The following SLIT3 variants were observed in gnomAD, a reference collection of about 807,000 sequenced individuals.
SLIT3 encodes slit homolog 3 protein.
A neutral mutation model predicts 184.0 loss-of-function variants in SLIT3; 68 were observed. The ratio of observed to expected loss-of-function variants is 0.37; its 90% CI spans 0.30 to 0.45. The LOEUF (loss-of-function observed/expected upper bound fraction) is 0.45. Ranked by LOEUF, SLIT3 falls within the 20% of genes least tolerant of loss-of-function variation. The pLI is 1.00. For synonymous variants in SLIT3, 831 were observed against 828.6 expected, an observed-to-expected ratio of 1.00 and a Z score of -0.05; for missense variants, 1,707 against 2,026.0, an observed-to-expected ratio of 0.84 and a Z score of 3.02.
chr5:168,816,272 C>T (rs1437887670), intron 8 of SLIT3, among the ~76,000 whole-genome samples: 1 of 152,094 alleles, frequency 6.6e-6, no homozygotes, highest in Non-Finnish European at 1.5e-5. Flanking sequence ...CTACAGTCTC[C>T]ACCTCCCAGG....
chr5:168,682,915 G>T (rs1298468236), intron 32 of SLIT3, among the ~76,000 whole-genome samples: 2 of 151,804 alleles, frequency 1.3e-5, no homozygotes, highest in Admixed American at 1.3e-4. Flanking sequence ...ACTTTTAGTA[G>T]TCATTTTTAT....
At chr5:169,020,543 T>C (rs1756560248) in intron 4 of SLIT3, among the ~76,000 whole-genome samples, 1 of 152,216 alleles carries the variant, frequency 6.6e-6, no homozygotes, top group Non-Finnish European at 1.5e-5. Context: ...ATTTTGGTCT[T>C]TATCTGAGAG....
At chr5:168,947,438 C>T (rs904647927) in intron 4 of SLIT3, among the ~76,000 whole-genome samples, 2 of 152,156 alleles carry the variant, frequency 1.3e-5, no homozygotes, top group Non-Finnish European at 2.9e-5. Flanking sequence ...GCTCACTGCT[C>T]TCTTTGGCCA....
At chr5:168,962,180 G>A (rs1009459051) in intron 4 of SLIT3, among the ~76,000 whole-genome samples, 2 of 151,960 alleles carry the variant, frequency 1.3e-5, no homozygotes, top group African/African-American at 2.4e-5. Context: ...ACAGGCTCAG[G>A]GCATCTCCCA....
chr5:169,238,614 C>G (rs1765284091), intron 3 of SLIT3, among the ~76,000 whole-genome samples: 2 of 126,034 alleles, frequency 1.6e-5, no homozygotes, highest in African/African-American at 6.0e-5. Flanking sequence ...CAATGAAAAA[C>G]ATGGCCTTGT....
Position 168,961,277 on chromosome 5 carries a change from C to T in SLIT3, c.414-77941G>A, listed in dbSNP as rs569413755. ...CAGGAAGAAATAGCCAGCACATCCA[C>T]TCATTCATTCAAAAGACATGTATTT... On this transcript the variant is annotated intron_variant, in intron 4 of 35. Coordinates refer to ENST00000519560, the MANE Select transcript of SLIT3 (RefSeq NM_003062.4). 1.4e-4 allele frequency among the ~76,000 whole-genome samples: 21 copies of T among 152,330 alleles called. No homozygotes were observed. The South Asian group carries it at 4.4e-3, about 32-fold the overall frequency.
At chr5:169,132,490 G>A (rs2113318945) in intron 4 of SLIT3, among the ~76,000 whole-genome samples, 1 of 152,186 alleles carries the variant, frequency 6.6e-6, no homozygotes, top group Non-Finnish European at 1.5e-5. Context: ...ATCATCTTGT[G>A]AACCAACAGA....
intron 1 of SLIT3, among the ~76,000 whole-genome samples, chr5:169,295,219 A>G (rs1017672495): frequency 2.6e-5 from 4 of 152,254 alleles, no homozygotes; most frequent in African/African-American, 7.2e-5. Context: ...ACCGTCCTCT[A>G]TGTTGTCCAC....
chr5:168,836,463 C>T (rs1343842380), intron 6 of SLIT3, among the ~76,000 whole-genome samples: 3 of 152,192 alleles, frequency 2.0e-5, no homozygotes, highest in Admixed American at 6.5e-5. Flanking sequence ...GTGAACTGAC[C>T]GCTGTAGGCA....
intron 6 of SLIT3, among the ~76,000 whole-genome samples, chr5:168,838,143 C>T (rs969927533): frequency 2.0e-5 from 3 of 152,210 alleles, no homozygotes; most frequent in South Asian, 2.1e-4. Context: ...ATGTGTGTTC[C>T]GGTAGGTGCT....
At chr5:168,997,501 C>A (rs917574804) in intron 4 of SLIT3, among the ~76,000 whole-genome samples, 1 of 152,028 alleles carries the variant, frequency 6.6e-6, no homozygotes, top group South Asian at 2.1e-4. Flanking sequence ...GGGAGGTATG[C>A]GTGGGGCCCA....
intron 4 of SLIT3, among the ~76,000 whole-genome samples, chr5:169,186,840 C>A (rs1763355467): frequency 6.9e-6 from 1 of 145,524 alleles, no homozygotes; most frequent in South Asian, 2.2e-4. Context: ...CAGCCTTGAA[C>A]TTTTTGGTGG....
At chr5:169,206,741 C>T (rs1019445249) in intron 3 of SLIT3, among the ~76,000 whole-genome samples, 2 of 152,304 alleles carry the variant, frequency 1.3e-5, no homozygotes, top group Admixed American at 6.5e-5. Flanking sequence ...TTTACATCTA[C>T]ATTTACATAT....
intron 23 of SLIT3, among the ~76,000 whole-genome samples, chr5:168,716,640 T>A (rs1363011984): frequency 6.6e-6 from 1 of 152,266 alleles, no homozygotes; most frequent in Non-Finnish European, 1.5e-5. Context: ...ATTCCAGGAC[T>A]GCAGAGGAGA....
At chr5:168,949,110 TAACA>T (rs1762571214) in intron 4 of SLIT3, among the ~76,000 whole-genome samples, 1 of 152,186 alleles carries the variant, frequency 6.6e-6, no homozygotes, top group Non-Finnish European at 1.5e-5. Flanking sequence ...CTGGGGACTC[TAACA>T]GTCAGGTCAG....
At chr5:169,257,163 A>G (rs1765987183) in intron 1 of SLIT3, among the ~76,000 whole-genome samples, 1 of 152,146 alleles carries the variant, frequency 6.6e-6, no homozygotes, top group African/African-American at 2.4e-5. Context: ...TCTCATCACG[A>G]TTACAGGAGC....
chr5:168,859,801 T>C lies in SLIT3; in HGVS notation c.486-15146A>G, dbSNP rs76453131. On this transcript the variant is annotated intron_variant, in intron 5 of 35. Transcript: ENST00000519560. ...TGTAGGAGATGACCTTTTTGTTTTA[T>C]TTGGGAGTGGGAGTAGGATGGGGAG... Among the ~76,000 whole-genome samples the C allele has an allele frequency of 2.0e-3, 303 of 152,266 alleles. 2 individuals carry two copies. Among genetic ancestry groups the C allele is most frequent in the Non-Finnish European group, 3.1e-3 (208 of 68,016 alleles).
At chr5:168,866,322 G>C (rs566995737) in intron 5 of SLIT3, among the ~76,000 whole-genome samples, 1 of 152,322 alleles carries the variant, frequency 6.6e-6, no homozygotes, top group East Asian at 1.9e-4. Flanking sequence ...AACTGAGAGG[G>C]AGGCTTTGTT....
At chr5:168,771,822 C>A (rs1755558189) in intron 14 of SLIT3, among the ~76,000 whole-genome samples, 1 of 152,184 alleles carries the variant, frequency 6.6e-6, no homozygotes, top group African/African-American at 2.4e-5. Context: ...AACCTCTCCC[C>A]ACGCTGGCAT....
Sources: gnomAD v4.1 joint callset for allele counts (sites outside exome capture counted in the v4.1 genomes callset) on GRCh38, gnomAD v4.1.1 for gene constraint, MANE v1.5 for transcripts, NCBI Gene and HGNC (gene_info 2026-07-23, HGNC 2026-07-21) for gene names.